The following ADARB2 variants were observed in gnomAD, a reference collection of about 807,000 sequenced individuals.
ADARB2 encodes the protein adenosine deaminase RNA specific B2 (inactive).
A neutral mutation model predicts 62.2 loss-of-function variants in ADARB2; 25 were observed. That is an observed-to-expected ratio of 0.40 (90% CI 0.29 to 0.56). The LOEUF is 0.56. Ranked by LOEUF, ADARB2 falls within the 20% of genes least tolerant of loss-of-function variation. The probability of loss-of-function intolerance (pLI) is 0.43; values close to 1 mark genes in which losing one functional copy is unlikely to be tolerated. For missense variants in ADARB2, 1,071 were observed against 1,077.4 expected (o/e 0.99, Z 0.08); for synonymous variants, 572 against 500.8 (o/e 1.14, Z -1.90).
intron 1 of ADARB2, among the ~76,000 whole-genome samples, chr10:1,568,464 C>T (rs567048592): frequency 6.6e-6 from 1 of 152,008 alleles, no homozygotes; most frequent in South Asian, 2.1e-4. Context: ...CCCACGTGAA[C>T]CCAGAAGTCT....
chr10:1,651,351 G>A (rs984874056), intron 1 of ADARB2, among the ~76,000 whole-genome samples: 8 of 152,230 alleles, frequency 5.3e-5, no homozygotes, highest in African/African-American at 1.9e-4. Flanking sequence ...TGGCCCTGGC[G>A]AGCCCCAGGG....
intron 1 of ADARB2, among the ~76,000 whole-genome samples, chr10:1,558,140 C>T (rs872823): frequency 0.043 from 6,603 of 152,130 alleles, 214 homozygotes; most frequent in Non-Finnish European, 0.073. Context: ...CTCACGTCTC[C>T]ATCCTTCCCA....
At chr10:1,349,532 G>C (rs1250343367) in intron 3 of ADARB2, among the ~76,000 whole-genome samples, 1 of 152,134 alleles carries the variant, frequency 6.6e-6, no homozygotes, top group Admixed American at 6.5e-5. Flanking sequence ...TCCTCAGACC[G>C]ACCAGCCCAA....
chr10:1,496,956 A>G (rs1735119363), intron 1 of ADARB2, among the ~76,000 whole-genome samples: 1 of 152,190 alleles, frequency 6.6e-6, no homozygotes, highest in African/African-American at 2.4e-5. Context: ...TCTTAGATAC[A>G]TATTTATAGC....
chr10:1,535,981 C>T (rs1303039417), intron 1 of ADARB2, among the ~76,000 whole-genome samples: 1 of 152,168 alleles, frequency 6.6e-6, no homozygotes, highest in Non-Finnish European at 1.5e-5. Flanking sequence ...CCCATGGTTT[C>T]ACAGATGACT....
At chr10:1,719,072 C>T (rs970840772) in intron 1 of ADARB2, among the ~76,000 whole-genome samples, 8 of 152,050 alleles carry the variant, frequency 5.3e-5, no homozygotes, top group African/African-American at 7.2e-5. Context: ...GCAATTCTCC[C>T]ACCTCAGCCT....
At chr10:1,370,513 C>T (rs1832359896) in intron 2 of ADARB2, among the ~76,000 whole-genome samples, 2 of 152,064 alleles carry the variant, frequency 1.3e-5, no homozygotes, top group Admixed American at 1.3e-4. Context: ...GAAACTATCT[C>T]TGTTCCCTGA....
intron 1 of ADARB2, among the ~76,000 whole-genome samples, chr10:1,538,794 C>T (rs1194353502): frequency 6.6e-6 from 1 of 152,216 alleles, no homozygotes; most frequent in African/African-American, 2.4e-5. Flanking sequence ...CAGGAGAAGC[C>T]TCTGCTGCCC....
chr10:1,490,777 C>T (rs1236184127), intron 1 of ADARB2, among the ~76,000 whole-genome samples: 3 of 152,134 alleles, frequency 2.0e-5, no homozygotes, highest in African/African-American at 7.2e-5. Context: ...TTTAAATAAG[C>T]CGTTAAATGG....
intron 6 of ADARB2, among the ~76,000 whole-genome samples, chr10:1,230,998 C>T (rs1830799201): frequency 6.6e-6 from 1 of 152,154 alleles, no homozygotes; most frequent in African/African-American, 2.4e-5. Flanking sequence ...TTTTCTAAAG[C>T]ACAGACATTG....
intron 3 of ADARB2, among the ~76,000 whole-genome samples, chr10:1,320,586 TTAAC>T (rs2131827480): frequency 6.6e-6 from 1 of 152,310 alleles, no homozygotes; most frequent in East Asian, 1.9e-4. Flanking sequence ...ATATACAAAT[TTAAC>T]AACTATCTGC....
intron 1 of ADARB2, among the ~76,000 whole-genome samples, chr10:1,409,701 T>C (rs1041078583): frequency 0.041 from 3,511 of 85,678 alleles, no homozygotes; most frequent in South Asian, 0.12. Flanking sequence ...TCAGTGGTGC[T>C]GAGGCGTGGC....
At chr10:1,502,873 G>T (rs1407614554) in intron 1 of ADARB2, among the ~76,000 whole-genome samples, 1 of 152,180 alleles carries the variant, frequency 6.6e-6, no homozygotes, top group Non-Finnish European at 1.5e-5. Context: ...TTGGTAAGAT[G>T]TCTGCATTTC....
intron 1 of ADARB2, among the ~76,000 whole-genome samples, chr10:1,488,429 C>T (rs1361575363): frequency 1.3e-5 from 2 of 152,168 alleles, no homozygotes; most frequent in African/African-American, 4.8e-5. Context: ...TTAATTAAGG[C>T]CTTTCCTAAA....
intron 3 of ADARB2, among the ~76,000 whole-genome samples, chr10:1,344,512 G>A (rs1211252298): frequency 1.3e-5 from 2 of 152,220 alleles, no homozygotes; most frequent in Non-Finnish European, 2.9e-5. Flanking sequence ...ATAAATGGGC[G>A]CTGAACGCTG....
chr10:1,254,638 T>TG (rs548530373), intron 4 of ADARB2, among the ~76,000 whole-genome samples: 24 of 152,338 alleles, frequency 1.6e-4, no homozygotes, highest in African/African-American at 5.5e-4. Context: ...CAGAAGTATG[T>TG]GAAAAAAAGC....
At chr10:1,483,104 G>A (rs796806564) in intron 1 of ADARB2, among the ~76,000 whole-genome samples, 12 of 152,160 alleles carry the variant, frequency 7.9e-5, no homozygotes, top group African/African-American at 2.9e-4. Context: ...ACTGTGTTGT[G>A]CTAATTATTA....
intron 3 of ADARB2, among the ~76,000 whole-genome samples, chr10:1,286,648 A>G (rs542014057): frequency 6.6e-6 from 1 of 152,270 alleles, no homozygotes; most frequent in South Asian, 2.1e-4. Flanking sequence ...CTGCATGACC[A>G]CTACGGGGCA....
intron 1 of ADARB2, among the ~76,000 whole-genome samples, chr10:1,723,084 G>A (rs756660199): frequency 1.3e-5 from 2 of 152,168 alleles, no homozygotes; most frequent in African/African-American, 4.8e-5. Flanking sequence ...TGGGCTGCAC[G>A]CTATTCAGTA....
Sources: allele counts gnomAD v4.1 joint callset (sites outside exome capture counted in the v4.1 genomes callset), GRCh38; gene constraint gnomAD v4.1.1; transcripts MANE v1.5; gene names NCBI Gene and HGNC (gene_info 2026-07-23, HGNC 2026-07-21).